Variants in KCTD15 observed in about 807,000 individuals in gnomAD.
The protein encoded by KCTD15 is BTB/POZ domain-containing protein KCTD15.
Under a neutral mutation model 27.2 loss-of-function variants are expected in KCTD15, and 11 were observed. That is an observed-to-expected ratio of 0.41 (90% CI 0.25 to 0.67). KCTD15 has a LOEUF of 0.67. Ranked by LOEUF, KCTD15 falls within the 30% of genes least tolerant of loss-of-function variation. The pLI, the probability that KCTD15 is intolerant of heterozygous loss-of-function variation, is 0.35. For synonymous variants in KCTD15, 163 were observed against 176.0 expected (o/e 0.93, Z 0.58); for missense variants, 350 against 409.3 (o/e 0.86, Z 1.25).
intron 1 of KCTD15, among the ~76,000 whole-genome samples, chr19:33,797,669 G>A (rs1975384833): frequency 6.6e-6 from 1 of 150,908 alleles, no homozygotes; most frequent in South Asian, 2.1e-4. Flanking sequence ...ACACACCCGG[G>A]GGCGGACCCC....
chr19:33,809,763 C>T (rs370205405), intron 5 of KCTD15, among the ~76,000 whole-genome samples: 2 of 152,016 alleles, frequency 1.3e-5, no homozygotes, highest in African/African-American at 4.8e-5. Context: ...CTCAGCTGCT[C>T]GGGAGGCTGA....
At position 33,806,728 on chromosome 19, in the gene KCTD15, C is replaced by G. The variant is rs1975722693; in HGVS notation, c.243-135C>G. 5.3e-6 allele frequency: 5 copies of G among 951,282 alleles called. No individual in the cohort carries two copies. In the Admixed American group the frequency reaches 1.2e-4, roughly 22 times the overall value. 58.9% of individuals were successfully genotyped at this position (951,282 alleles called of 1,614,324 possible). On this transcript the variant is annotated intron_variant, in intron 4 of 6. Transcript: ENST00000683859. ...TGTGCAGATGTTGTCAGGCCTGGAA[C>G]AGTTCCAGAGTCACCCATGTCAGGT...
Position 33,807,027 on chromosome 19 carries a change from C to A in KCTD15, c.387+20C>A, listed in dbSNP as rs750909955. 1.2e-6 allele frequency: 2 copies of A among 1,610,496 alleles called. No homozygotes were observed. Among genetic ancestry groups the A allele is most frequent in the South Asian group, 1.1e-5 (1 of 90,572 alleles). On this transcript the variant is annotated intron_variant, in intron 5 of 6. Transcript: ENST00000683859. The stretch of plus-strand genomic sequence containing the variant: ...TTTAAGGTAAGTCCATGGCTGGTGG[C>A]CCCCCTGCACTGCCTGTGTGATGGC...
intron 1 of KCTD15, chr19:33,797,517 G>T (rs1227957856): frequency 5.2e-6 from 2 of 382,414 alleles, no homozygotes. Flanking sequence ...AGGGGCTGTC[G>T]CGCTGGTGGT....
Position 33,812,753 on chromosome 19 carries a change from A to C in KCTD15, c.694-37A>C, listed in dbSNP as rs766534085. The C allele has an allele frequency of 3.6e-6, 5 of 1,405,106 alleles. No individual in the cohort carries two copies. The African/African-American group carries it at 5.9e-5, about 17-fold the overall frequency. 87.0% of individuals were successfully genotyped at this position (1,405,106 alleles called of 1,614,324 possible). On this transcript the variant is annotated intron_variant, in intron 6 of 6. Transcript: ENST00000683859. ...CAGGCCAAGCCAGGTGTCCTCTTGC[A>C]GCTTGGCCTTGATGACCTCTGTTTC...
intron 4 of KCTD15, among the ~76,000 whole-genome samples, chr19:33,804,456 G>C (rs1056267830): frequency 6.6e-6 from 1 of 151,766 alleles, no homozygotes; most frequent in African/African-American, 2.4e-5. Flanking sequence ...CTAGAATGCT[G>C]CCTGCTTACA....
At position 33,807,016 on chromosome 19, in the gene KCTD15, A is replaced by G. The variant is rs1284316971; in HGVS notation, c.387+9A>G. 2.5e-6 allele frequency: 4 copies of G among 1,613,126 alleles called. No homozygotes were observed. Among genetic ancestry groups the G allele is most frequent in the East Asian group, 2.2e-5 (1 of 44,880 alleles). On this transcript the variant is annotated intron_variant, in intron 5 of 6. Coordinates refer to ENST00000683859, the MANE Select transcript of KCTD15 (RefSeq NM_001129994.2). ...TTCCGGATGACTTTAAGGTAAGTCC[A>G]TGGCTGGTGGCCCCCCTGCACTGCC...
In KCTD15 at chr19:33,800,465, G is replaced by T. The variant is rs749472091; in HGVS notation, c.11G>T (p.Arg4Leu). The T allele has an allele frequency of 1.2e-6, 2 of 1,604,924 alleles. No homozygotes were observed. Among genetic ancestry groups the T allele is most frequent in the Non-Finnish European group, 1.7e-6 (2 of 1,176,876 alleles). The stretch of plus-strand genomic sequence containing the variant: ...GGGATGGAAGCCTAGATGCCTCACC[G>T]CAAGGAGCGGCCGAGCGGGTCCTCG... Reference protein sequence around the residue: MPHRKERPSGSSLH... With the variant: MPHLKERPSGSSLH... The change falls in exon 3 of 7, where the codon CGC (arginine) becomes CTC (leucine). Residue 4 changes from arginine to leucine, a missense_variant. Around this residue, in one of 3 missense-constraint regions of KCTD15, gnomAD observed 77 missense variants for 72.7 expected, o/e 1.06. Transcript: ENST00000683859.
At chr19:33,806,364 C>T (rs532662870) in intron 4 of KCTD15, among the ~76,000 whole-genome samples, 1 of 152,198 alleles carries the variant, frequency 6.6e-6, no homozygotes, top group Non-Finnish European at 1.5e-5. Flanking sequence ...GTTGCACAGG[C>T]CTGTGTGTCT....
rs1975787579 is a variant in KCTD15, at chr19:33,808,669, C to A, written c.387+1662C>A. On this transcript the variant is annotated intron_variant, in intron 5 of 6. Transcript: ENST00000683859. ...TGCAGGGGAAGGGCAGTCAGATCTG[C>A]AAATTGGGAAGATCTCTCTGGCTGT... Among the ~76,000 whole-genome samples, 3 of 129,408 alleles carry A rather than the reference C, an allele frequency of 2.3e-5. No homozygotes were observed. The South Asian group carries it at 7.4e-4, about 32-fold the overall frequency. 84.9% of individuals were successfully genotyped at this position (129,408 alleles called of 152,430 possible). A position where few individuals can be genotyped will look rare whatever the true frequency, so the allele number is the denominator to read the frequency against.
In KCTD15 at chr19:33,811,668, A is replaced by G. The variant is rs749795456; in HGVS notation, c.693+116A>G. 7 of 1,512,738 alleles carry G rather than the reference A, an allele frequency of 4.6e-6. No individual in the cohort carries two copies. The East Asian group carries it at 1.6e-4, about 34-fold the overall frequency. The allele number at this position is 1,512,738 out of a possible 1,614,324, so 93.7% of individuals were successfully genotyped here. A position where few individuals can be genotyped will look rare whatever the true frequency, so the allele number is the denominator to read the frequency against. On this transcript the variant is annotated intron_variant, in intron 6 of 6. Coordinates refer to ENST00000683859, the MANE Select transcript of KCTD15 (RefSeq NM_001129994.2). Reference sequence around the variant, plus strand: ...CTGAAACGGTGAAGCCCCCCGTGCCATCCTACAAAAAAGGCAACAATGTGT... The same window carrying G: ...CTGAAACGGTGAAGCCCCCCGTGCCGTCCTACAAAAAAGGCAACAATGTGT...
rs911718690 is a variant in KCTD15, at chr19:33,815,232, C to G, written c.*2284C>G. On this transcript the variant is annotated 3_prime_UTR_variant, in exon 7 of 7. Coordinates refer to ENST00000683859, the MANE Select transcript of KCTD15 (RefSeq NM_001129994.2). ...GGGAAAAAGGAGTAACTCTACCTGA[C>G]TAAATGTTACTCTAATTTATTTATT... 4 of 152,002 alleles carry G rather than the reference C, an allele frequency of 2.6e-5. No homozygotes were observed. Among genetic ancestry groups the G allele is most frequent in the African/African-American group, 4.8e-5 (2 of 41,358 alleles). The allele number at this position is 152,002 out of a possible 1,614,324, so 9.4% of individuals were successfully genotyped here.
intron 4 of KCTD15, among the ~76,000 whole-genome samples, chr19:33,806,421 C>T (rs1002454470): frequency 2.6e-5 from 4 of 152,022 alleles, no homozygotes. Context: ...TGTCCTGGCT[C>T]GTTTACTGGG....
chr19:33,811,026 C>T (rs1333049869), intron 5 of KCTD15, among the ~76,000 whole-genome samples: 1 of 152,124 alleles, frequency 6.6e-6, no homozygotes, highest in Non-Finnish European at 1.5e-5. Flanking sequence ...CACAGGTGCA[C>T]ATCAGCGGCT....
At chr19:33,797,291 C>A (rs1139233) in intron 1 of KCTD15, 1 of 345,910 alleles carries the variant, frequency 2.9e-6, no homozygotes, top group South Asian at 2.0e-5. Flanking sequence ...TGTGCGCGCG[C>A]GCGCGCGCGC....
At chr19:33,804,694 T>A (rs1975660677) in intron 4 of KCTD15, among the ~76,000 whole-genome samples, 1 of 152,200 alleles carries the variant, frequency 6.6e-6, no homozygotes, top group South Asian at 2.1e-4. Context: ...CACGCTCTAC[T>A]AGGCCAGGTC....
intron 6 of KCTD15, chr19:33,811,980 A>G (rs777042731): frequency 3.0e-5 from 45 of 1,491,212 alleles, no homozygotes; most frequent in Admixed American, 1.3e-4. Flanking sequence ...CCAGCTGCCA[A>G]GAGAATCCCT....
At chr19:33,811,817 A>G in intron 6 of KCTD15, 1 of 1,601,350 alleles carries the variant, frequency 6.2e-7, no homozygotes, top group African/African-American at 1.4e-5. Context: ...GGCCCAGAGT[A>G]TTTTCAACAA....
upstream of KCTD15, chr19:33,796,736 A>AGAGGGGAGGAGGCGAGGGGAGGGTGGG (rs1975327724): frequency 8.2e-6 from 1 of 121,242 alleles, no homozygotes; most frequent in African/African-American, 3.1e-5. Flanking sequence ...GCGGCCGCGA[A>AGAGGGGAGGAGGCGAGGGGAGGGTGGG]GAGGGGAGGA....
Sources: gnomAD v4.1 joint callset for allele counts (sites outside exome capture counted in the v4.1 genomes callset) on GRCh38, gnomAD v4.1.1 for gene constraint, gnomAD v4.1.1 regional missense constraint, MANE v1.5 for transcripts, NCBI Gene and HGNC (gene_info 2026-07-23, HGNC 2026-07-21) for gene names.